The following SCAMP4 variants were observed in gnomAD, a reference collection of about 807,000 sequenced individuals.
SCAMP4 encodes the protein secretory carrier-associated membrane protein 4.
In SCAMP4, 19 loss-of-function variants were observed where a neutral mutation model predicts 32.1. That is an observed-to-expected ratio of 0.59 (90% CI 0.41 to 0.87). The LOEUF (loss-of-function observed/expected upper bound fraction) is 0.87. Among genes scored for constraint, SCAMP4 ranks in the 40% least tolerant of loss-of-function variants. The pLI, the probability that SCAMP4 is intolerant of heterozygous loss-of-function variation, is 0.00. For synonymous variants in SCAMP4, 152 were observed against 132.7 expected (o/e 1.15, Z -1.00); for missense variants, 302 against 309.0 (o/e 0.98, Z 0.17).
At chr19:1,915,954 AAAG>A (rs1439748266) in intron 2 of SCAMP4, among the ~76,000 whole-genome samples, 5 of 147,476 alleles carry the variant, frequency 3.4e-5, no homozygotes, top group South Asian at 4.3e-4. Flanking sequence ...GAAAAAAAAA[AAAG>A]AGATGGTCCG....
chr19:1,912,788 C>G (rs1720762774), intron 1 of SCAMP4: 1 of 1,570,036 alleles, frequency 6.4e-7, no homozygotes, highest in Non-Finnish European at 8.6e-7. Flanking sequence ...GCGTGGACCT[C>G]GTGGCGCGCG....
chr19:1,914,796 C>A lies in SCAMP4; in HGVS notation c.-41-183C>A. ...CAGCATGGGTGGTGTGCACTGGAGC[C>A]GAGGGGAGGGGGACCTGTGGGGTAA... On this transcript the variant is annotated intron_variant, in intron 1 of 6. Transcript: ENST00000316097. 2.0e-5 allele frequency among the ~76,000 whole-genome samples: 3 copies of A among 152,050 alleles called. No homozygotes were observed. The Middle Eastern group carries it at 0.01, about 517-fold the overall frequency.
intron 1 of SCAMP4, chr19:1,913,287 G>A (rs2013598701): frequency 3.1e-6 from 4 of 1,286,430 alleles, no homozygotes; most frequent in Non-Finnish European, 2.1e-6. Flanking sequence ...CGGGGAGCAC[G>A]GGTGCTGCCT....
rs1422528072 is a variant in SCAMP4 at position 1,924,458 on chromosome 19, T to C, written c.*174T>C. The C allele has an allele frequency of 1.6e-6, 1 of 615,412 alleles. No homozygotes were observed. Among genetic ancestry groups the C allele is most frequent in the Non-Finnish European group, 2.9e-6 (1 of 347,544 alleles). The allele number at this position is 615,412 out of a possible 1,614,324, so 38.1% of individuals were successfully genotyped here. On this transcript the variant is annotated 3_prime_UTR_variant, in exon 7 of 7. Transcript: ENST00000316097. ...GCCAGGGCCACAGAACCCGTGTTCATCTCATCCGAGAGCGGAGTTCCTCAC... is the reference window on the plus strand; with the variant it reads ...GCCAGGGCCACAGAACCCGTGTTCACCTCATCCGAGAGCGGAGTTCCTCAC...
intron 1 of SCAMP4, chr19:1,912,689 G>A (rs1178245015): frequency 6.1e-6 from 9 of 1,468,838 alleles, no homozygotes; most frequent in Non-Finnish European, 7.1e-6. Context: ...TGGGGGCCGT[G>A]GTAGTGGACC....
At chr19:1,913,098 G>A (rs753231553) in intron 1 of SCAMP4, 1 of 1,597,490 alleles carries the variant, frequency 6.3e-7, no homozygotes, top group Non-Finnish European at 8.5e-7. Flanking sequence ...CCGCTTCCAG[G>A]TGTTCCGCGG....
In SCAMP4 at chr19:1,912,981, A is replaced by G. The variant is rs2013568428; in HGVS notation, c.-41-1998A>G. Reference sequence around the variant, plus strand: ...CCGCGAGCCCTGCGCCATGTGCGCCATGGCCCTGGTGCACGCACGCATCCT... The same window carrying G: ...CCGCGAGCCCTGCGCCATGTGCGCCGTGGCCCTGGTGCACGCACGCATCCT... On this transcript the variant is annotated intron_variant, in intron 1 of 6. Coordinates refer to ENST00000316097, the MANE Select transcript of SCAMP4 (RefSeq NM_079834.4). 3.1e-6 allele frequency: 5 copies of G among 1,609,622 alleles called. No individual in the cohort carries two copies. In the East Asian group the frequency reaches 6.7e-5, roughly 22 times the overall value.
chr19:1,914,673 C>T (rs951968100), intron 1 of SCAMP4: 3 of 438,368 alleles, frequency 6.8e-6, no homozygotes, highest in East Asian at 4.5e-5. Context: ...GGGCTGAAGC[C>T]GGGATTTGGG....
At chr19:1,915,984 C>A (rs1379336559) in intron 2 of SCAMP4, among the ~76,000 whole-genome samples, 1 of 148,902 alleles carries the variant, frequency 6.7e-6, no homozygotes, top group Non-Finnish European at 1.5e-5. Flanking sequence ...GTGGCTCACG[C>A]CTGTAATCCC....
intron 1 of SCAMP4, among the ~76,000 whole-genome samples, chr19:1,911,593 C>T (rs567806955): frequency 2.6e-5 from 4 of 152,146 alleles, no homozygotes; most frequent in Non-Finnish European, 5.9e-5. Flanking sequence ...CCAGCCTGAA[C>T]GACGTGGTGA....
chr19:1,922,443 C>A lies in SCAMP4; in HGVS notation c.396-627C>A, dbSNP rs535036500. On this transcript the variant is annotated intron_variant, in intron 5 of 6. Transcript: ENST00000316097. ...AGAGACGGGGTTTCACCTTGTTGGT[C>A]AGGCTGGTCTCCAGTTCCTGGCCTC... 22 of 758,498 alleles carry A rather than the reference C, an allele frequency of 2.9e-5. No individual in the cohort carries two copies. The African/African-American group carries it at 3.6e-4, about 12-fold the overall frequency. 47.0% of individuals were successfully genotyped at this position (758,498 alleles called of 1,614,324 possible).
intron 1 of SCAMP4, among the ~76,000 whole-genome samples, chr19:1,914,229 A>C (rs932326771): frequency 6.6e-6 from 1 of 151,916 alleles, no homozygotes; most frequent in Non-Finnish European, 1.5e-5. Context: ...GGCGGAGGGG[A>C]AGATGTCCTG....
rs1313373777 is a variant in SCAMP4, at chr19:1,908,537, C to A, written c.-42+3098C>A. ...GGATGTGTAGTCCAGGCTGGCAGTT[C>A]AGGATCACCCGGCTGGAGTCATTTT... is the stretch of plus-strand genomic sequence containing the variant. On this transcript the variant is annotated intron_variant, in intron 1 of 6. Coordinates refer to ENST00000316097, the MANE Select transcript of SCAMP4 (RefSeq NM_079834.4). This position sits in a 1 kb window ranked among gnomAD's most constrained non-coding sequence, Gnocchi z 4.2. 4.2e-6 allele frequency: 2 copies of A among 471,038 alleles called. No homozygotes were observed. The highest frequency in any genetic ancestry group is 8.8e-6 in the Non-Finnish European group (2 of 227,042). 29.2% of individuals were successfully genotyped at this position (471,038 alleles called of 1,614,324 possible).
At chr19:1,920,687 C>T (rs907836782) in intron 5 of SCAMP4, 121 of 985,482 alleles carry the variant, frequency 1.2e-4, no homozygotes, top group South Asian at 1.4e-4. Flanking sequence ...CGTCATCCTC[C>T]GAGTCCTCCT....
chr19:1,915,119 A>T, intron 2 of SCAMP4, 93 bp downstream of exon 2: 1 of 1,491,746 alleles, frequency 6.7e-7, no homozygotes, highest in Admixed American at 1.7e-5. Flanking sequence ...GCCGTTGGCA[A>T]ACAGTGTCCT....
chr19:1,924,098 G>C lies in SCAMP4; in HGVS notation c.514-10G>C. 6.3e-7 allele frequency: 1 copy of C among 1,593,936 alleles called. No individual in the cohort carries two copies. Among genetic ancestry groups the C allele is most frequent in the Middle Eastern group, 1.7e-4 (1 of 6,038 alleles). On this transcript the variant is annotated splice_polypyrimidine_tract_variant and intron_variant, in intron 6 of 6. Coordinates refer to ENST00000316097, the MANE Select transcript of SCAMP4 (RefSeq NM_079834.4). ...TCTGTCTTCTGCCTCCCTGTCCTCT[G>C]TCCTTGCAGGTGCACAGGATCTACC...
intron 1 of SCAMP4, chr19:1,912,845 C>T (rs765111016): frequency 1.4e-5 from 22 of 1,595,682 alleles, no homozygotes; most frequent in Admixed American, 6.7e-5. Flanking sequence ...CCGCCTGCTC[C>T]TTCGCCCCGG....
rs1035734291 is a variant in SCAMP4 at position 1,918,169 on chromosome 19, C to G, written c.179C>G (p.Ala60Gly). ...TLGVNLIACL[A>G]WWIGGGSGTN... is the part of the protein sequence containing the mutation. ...GGCGTCAACCTCATTGCCTGCCTGGCCTGGTGGATCGGCGGAGGCTCGGGG... is the reference window on the plus strand; with the variant it reads ...GGCGTCAACCTCATTGCCTGCCTGGGCTGGTGGATCGGCGGAGGCTCGGGG... Residue 60 changes from alanine to glycine, a missense_variant, in exon 4 of 7, where the codon GCC (alanine) becomes GGC (glycine). Ala to Gly is a moderately conservative substitution (Grantham distance 60, BLOSUM62 0). Coordinates refer to ENST00000316097, the MANE Select transcript of SCAMP4 (RefSeq NM_079834.4). The G allele has an allele frequency of 3.7e-6, 6 of 1,613,002 alleles. No homozygotes were observed. Among genetic ancestry groups the G allele is most frequent in the East Asian group, 2.2e-5 (1 of 44,880 alleles).
At chr19:1,921,368 A>G in intron 5 of SCAMP4, 2 of 985,428 alleles carry the variant, frequency 2.0e-6, no homozygotes, top group South Asian at 9.4e-5. Context: ...CTCCAGAGAA[A>G]TGACCCCCAG....
Sources: gnomAD v4.1 joint callset for allele counts (sites outside exome capture counted in the v4.1 genomes callset) on GRCh38, gnomAD v4.1.1 for gene constraint, Gnocchi (gnomAD v3.1) non-coding constraint, MANE v1.5 for transcripts, NCBI Gene and HGNC (gene_info 2026-07-23, HGNC 2026-07-21) for gene names.